Variants in ADGRB3 observed in about 807,000 individuals in gnomAD.
ADGRB3 encodes the protein adhesion G protein-coupled receptor B3.
In ADGRB3, 37 loss-of-function variants were observed where a neutral mutation model predicts 193.4. That is an observed-to-expected ratio of 0.19 (90% CI 0.15 to 0.25). ADGRB3 has a LOEUF of 0.25. Among genes scored for constraint, ADGRB3 ranks in the 10% least tolerant of loss-of-function variants. The pLI, the probability that ADGRB3 is intolerant of heterozygous loss-of-function variation, is 1.00. For missense variants in ADGRB3, 1,637 were observed against 1,852.9 expected (o/e 0.88, Z 2.14); for synonymous variants, 690 against 644.2 (o/e 1.07, Z -1.08).
chr6:69,299,140 G>A (rs1214543460), intron 20 of ADGRB3, among the ~76,000 whole-genome samples: 1 of 151,842 alleles, frequency 6.6e-6, no homozygotes, highest in Non-Finnish European at 1.5e-5. Context: ...TAGTAATGTT[G>A]GGCAGATTTT....
intron 6 of ADGRB3, among the ~76,000 whole-genome samples, chr6:68,955,751 C>T (rs922953881): frequency 2.8e-4 from 42 of 151,324 alleles, no homozygotes; most frequent in African/African-American, 7.3e-4. Context: ...GGGATCATGC[C>T]GTTACACTCC....
chr6:68,827,426 G>A (rs1196283585), intron 3 of ADGRB3, among the ~76,000 whole-genome samples: 1 of 152,032 alleles, frequency 6.6e-6, no homozygotes, highest in Non-Finnish European at 1.5e-5. Flanking sequence ...AGGTAGGGGA[G>A]CAGCGATAAA....
chr6:69,191,972 C>T lies in ADGRB3; in HGVS notation c.2481-41318C>T, dbSNP rs371649360. ...TAGACTGAGGGGAGTGAAGGAAGGA[C>T]AACTTGGAAGGCAAGGTCCTGGTGA... On this transcript the variant is annotated intron_variant, in intron 17 of 31. Transcript: ENST00000370598. Among the ~76,000 whole-genome samples, 10 of 152,234 alleles carry T rather than the reference C, an allele frequency of 6.6e-5. No homozygotes were observed. In the East Asian group the frequency reaches 1.2e-3, roughly 18 times the overall value.
chr6:68,911,355 C>T (rs1303610135), intron 3 of ADGRB3, among the ~76,000 whole-genome samples: 1 of 151,634 alleles, frequency 6.6e-6, no homozygotes, highest in Non-Finnish European at 1.5e-5. Flanking sequence ...CAACATGGCA[C>T]ATGTATACGT....
chr6:69,118,164 G>A (rs1191659068), intron 17 of ADGRB3, among the ~76,000 whole-genome samples: 2 of 152,044 alleles, frequency 1.3e-5, no homozygotes, highest in African/African-American at 4.8e-5. Context: ...TGGAAAATGA[G>A]GTGGTTGAAC....
chr6:69,219,999 C>A (rs1765858956), intron 17 of ADGRB3, among the ~76,000 whole-genome samples: 1 of 151,940 alleles, frequency 6.6e-6, no homozygotes, highest in East Asian at 1.9e-4. Context: ...TTATAAGCCT[C>A]ATTTTTAAGA....
chr6:68,879,449 C>T (rs558596508), intron 3 of ADGRB3, among the ~76,000 whole-genome samples: 2 of 151,852 alleles, frequency 1.3e-5, no homozygotes, highest in South Asian at 2.1e-4. Flanking sequence ...AGGATGGTTT[C>T]GATCTCCTGA....
At chr6:69,382,319 A>G (rs528259902) in intron 30 of ADGRB3, among the ~76,000 whole-genome samples, 1 of 151,992 alleles carries the variant, frequency 6.6e-6, no homozygotes, top group Non-Finnish European at 1.5e-5. Flanking sequence ...TCCCACATAT[A>G]TTTCAGACAC....
At chr6:69,362,397 T>C (rs1485671414) in intron 29 of ADGRB3, among the ~76,000 whole-genome samples, 1 of 151,926 alleles carries the variant, frequency 6.6e-6, no homozygotes, top group Non-Finnish European at 1.5e-5. Context: ...CCAACCCAGT[T>C]ATGCTGATAA....
At chr6:68,716,671 A>G (rs768848812) in intron 3 of ADGRB3, among the ~76,000 whole-genome samples, 1 of 151,570 alleles carries the variant, frequency 6.6e-6, no homozygotes, top group Non-Finnish European at 1.5e-5. Context: ...AACACTGCAA[A>G]TAAGAGCTCT....
intron 29 of ADGRB3, 149 bp from the exon 30 acceptor site, chr6:69,372,257 T>C (rs138825693): frequency 7.2e-4 from 289 of 402,838 alleles, no homozygotes; most frequent in Non-Finnish European, 1.1e-3. Context: ...TCATGATTCA[T>C]GAAATTTTAC....
chr6:69,299,286 GTTGT>G (rs1767902110), intron 20 of ADGRB3, among the ~76,000 whole-genome samples: 1 of 151,576 alleles, frequency 6.6e-6, no homozygotes, highest in South Asian at 2.1e-4. Flanking sequence ...TTGCTATTGA[GTTGT>G]TTGAGTTCCT....
chr6:69,261,985 C>A (rs1766940239), intron 20 of ADGRB3, among the ~76,000 whole-genome samples: 1 of 151,984 alleles, frequency 6.6e-6, no homozygotes, highest in Non-Finnish European at 1.5e-5. Flanking sequence ...TCAACATTAG[C>A]ATGCTTTGCC....
At chr6:68,699,153 A>C (rs1765201810) in intron 3 of ADGRB3, among the ~76,000 whole-genome samples, 1 of 152,096 alleles carries the variant, frequency 6.6e-6, no homozygotes, top group African/African-American at 2.4e-5. Flanking sequence ...ATGGACATTA[A>C]CTCTTCTGTA....
At chr6:68,645,218 G>C (rs114956442) in intron 3 of ADGRB3, among the ~76,000 whole-genome samples, 4,211 of 151,952 alleles carry the variant, frequency 0.028, 179 homozygotes, top group African/African-American at 0.095. Context: ...GAACCAAAGA[G>C]AGCTGAGTTT....
chr6:69,040,307 C>CTTTCTTTCTT (rs1236133678), intron 13 of ADGRB3, among the ~76,000 whole-genome samples: 8 of 94,758 alleles, frequency 8.4e-5, no homozygotes, highest in African/African-American at 2.7e-4. Flanking sequence ...CTTTCTCTGT[C>CTTTCTTTCTT]TCTTTCTTTC....
At chr6:68,811,552 T>C (rs1352636438) in intron 3 of ADGRB3, among the ~76,000 whole-genome samples, 2 of 152,144 alleles carry the variant, frequency 1.3e-5, no homozygotes, top group African/African-American at 2.4e-5. Flanking sequence ...CATTGCAGCC[T>C]CTGCCTCCCA....
At chr6:69,078,779 T>G (rs1772305196) in intron 17 of ADGRB3, among the ~76,000 whole-genome samples, 5 of 152,056 alleles carry the variant, frequency 3.3e-5, no homozygotes. Flanking sequence ...TTCCTTTTTC[T>G]TATTTTCGTT....
chr6:68,719,890 G>C (rs752806934), intron 3 of ADGRB3, among the ~76,000 whole-genome samples: 16 of 151,624 alleles, frequency 1.1e-4, no homozygotes, highest in Non-Finnish European at 2.4e-4. Flanking sequence ...GGTTGGGCAT[G>C]GGGGAGTGAT....
Sources: allele counts gnomAD v4.1 joint callset (sites outside exome capture counted in the v4.1 genomes callset), GRCh38; gene constraint gnomAD v4.1.1; transcripts MANE v1.5; gene names NCBI Gene and HGNC (gene_info 2026-07-23, HGNC 2026-07-21).